Variants in C1orf198 observed in about 807,000 individuals in gnomAD.
C1orf198 encodes chromosome 1 open reading frame 198.
A neutral mutation model predicts 31.4 loss-of-function variants in C1orf198; 17 were observed. The ratio of observed to expected loss-of-function variants is 0.54; its 90% CI spans 0.37 to 0.81. The LOEUF is 0.81. Among genes scored for constraint, C1orf198 ranks in the 40% least tolerant of loss-of-function variants. The pLI, the probability that C1orf198 is intolerant of heterozygous loss-of-function variation, is 0.00. For synonymous variants in C1orf198, 175 were observed against 193.8 expected, an observed-to-expected ratio of 0.90 and a Z score of 0.81; for missense variants, 401 against 450.3, an observed-to-expected ratio of 0.89 and a Z score of 0.99.
rs1188491327 is a variant in C1orf198, at chr1:230,837,434, A to C, written c.*2418T>G. 6.6e-6 allele frequency: 1 copy of C among 152,222 alleles called. No individual in the cohort carries two copies. The highest frequency in any genetic ancestry group is 1.5e-5 in the Non-Finnish European group (1 of 68,040). The allele number at this position is 152,222 out of a possible 1,614,324, so 9.4% of individuals were successfully genotyped here. On this transcript the variant is annotated 3_prime_UTR_variant, in exon 4 of 4. Coordinates refer to ENST00000366663, the MANE Select transcript of C1orf198 (RefSeq NM_032800.3). ...ACACTGAATCCTTGAGCTGAATCCCAGGTGCAGAGACTGGGGGGAGGTGGA... is the reference window on the plus strand; with the variant it reads ...ACACTGAATCCTTGAGCTGAATCCCCGGTGCAGAGACTGGGGGGAGGTGGA...
intron 2 of C1orf198, among the ~76,000 whole-genome samples, chr1:230,847,061 C>T (rs1669609051): frequency 6.9e-6 from 1 of 145,628 alleles, no homozygotes; most frequent in Admixed American, 6.9e-5. Context: ...CGAAATCCCG[C>T]CACTGCACTC....
intron 2 of C1orf198, among the ~76,000 whole-genome samples, chr1:230,844,205 T>A: frequency 6.6e-6 from 1 of 152,124 alleles, no homozygotes; most frequent in Non-Finnish European, 1.5e-5. Context: ...GGGAGGTGTC[T>A]GGATCACAGG....
At chr1:230,859,017 G>A (rs1470540961) in intron 1 of C1orf198, among the ~76,000 whole-genome samples, 1 of 152,056 alleles carries the variant, frequency 6.6e-6, no homozygotes, top group Non-Finnish European at 1.5e-5. Flanking sequence ...TGAAGTCAAG[G>A]GGCAGATTCC....
At position 230,839,815 on chromosome 1, in the gene C1orf198, C is replaced by T. The variant is rs777704326; in HGVS notation, c.*37G>A. 15 of 1,589,858 alleles carry T rather than the reference C, an allele frequency of 9.4e-6. No individual in the cohort carries two copies. Among genetic ancestry groups the T allele is most frequent in the Non-Finnish European group, 3.4e-6 (4 of 1,163,388 alleles). ...TCCTCCACCACACCACTTTGGAAAA[C>T]ATTTTAGGGTTCTTCATTGTATTTT... On this transcript the variant is annotated 3_prime_UTR_variant, in exon 4 of 4. Coordinates refer to ENST00000366663, the MANE Select transcript of C1orf198 (RefSeq NM_032800.3).
At chr1:230,860,848 C>T (rs1669990032) in intron 1 of C1orf198, among the ~76,000 whole-genome samples, 1 of 152,170 alleles carries the variant, frequency 6.6e-6, no homozygotes, top group Non-Finnish European at 1.5e-5. Flanking sequence ...ATGCCTCGGA[C>T]TATACACAGA....
At position 230,868,193 on chromosome 1, in the gene C1orf198, C is replaced by A. The variant is rs777973083; in HGVS notation, c.320G>T (p.Arg107Leu). The A allele has an allele frequency of 2.6e-6, 4 of 1,516,428 alleles. No homozygotes were observed. The African/African-American group carries it at 5.8e-5, about 22-fold the overall frequency. 93.9% of individuals were successfully genotyped at this position (1,516,428 alleles called of 1,614,324 possible). The stretch of plus-strand genomic sequence containing the variant: ...GCCCGCACCTACCTCGTCCCCGAAG[C>A]GCACCACCTTCTGGCCCGTGGGCCC... ...LRGPTGQKVV[R>L]FGDEDLTWQD... Residue 107 changes from arginine to leucine, a missense_variant, in exon 1 of 4, where the codon CGC becomes CTC. Coordinates refer to ENST00000366663, the MANE Select transcript of C1orf198 (RefSeq NM_032800.3).
chr1:230,861,055 G>A (rs1278966118), intron 1 of C1orf198, among the ~76,000 whole-genome samples: 1 of 152,200 alleles, frequency 6.6e-6, no homozygotes, highest in Non-Finnish European at 1.5e-5. Context: ...ATCAGTGGCT[G>A]CCAGAGCCTG....
upstream of C1orf198, chr1:230,868,618 T>C: frequency 1.3e-6 from 1 of 791,422 alleles, no homozygotes; most frequent in Non-Finnish European, 1.4e-6. Flanking sequence ...AACCCCGCCC[T>C]GCACCGCCGC....
At chr1:230,865,869 T>C (rs914264316) in intron 1 of C1orf198, among the ~76,000 whole-genome samples, 4 of 152,228 alleles carry the variant, frequency 2.6e-5, no homozygotes, top group African/African-American at 9.6e-5. Flanking sequence ...AACGTTGCTA[T>C]GTGAGATAGA....
At chr1:230,861,645 C>T (rs73105758) in intron 1 of C1orf198, among the ~76,000 whole-genome samples, 10,063 of 152,242 alleles carry the variant, frequency 0.066, 725 homozygotes, top group African/African-American at 0.18. Flanking sequence ...GAGCCGGCTC[C>T]AGCATACCAC....
Position 230,868,506 on chromosome 1 carries a change from A to ACGCCATGCC in C1orf198, c.-3_6dup (p.Ala2_Ser3insGlyMetAla). The ACGCCATGCC allele has an allele frequency of 9.2e-6, 13 of 1,413,116 alleles. No individual in the cohort carries two copies. Among genetic ancestry groups the ACGCCATGCC allele is most frequent in the Non-Finnish European group, 1.2e-5 (13 of 1,071,338 alleles). The allele number at this position is 1,413,116 out of a possible 1,614,324, so 87.5% of individuals were successfully genotyped here. A position where few individuals can be genotyped will look rare whatever the true frequency, so the allele number is the denominator to read the frequency against. On this transcript the variant is annotated inframe_insertion, in exon 1 of 4. Transcript: ENST00000366663. ...GAAGCCGCGATCGCCGCCGCCATGGACGCCATGCCCGGCCTGCCCGCCGCT... is the reference window on the plus strand; with the variant it reads ...GAAGCCGCGATCGCCGCCGCCATGGACGCCATGCCCGCCATGCCCGGCCTGCCCGCCGCT...
chr1:230,866,448 C>G (rs1670122145), intron 1 of C1orf198, among the ~76,000 whole-genome samples: 1 of 152,182 alleles, frequency 6.6e-6, no homozygotes, highest in Admixed American at 6.5e-5. Flanking sequence ...CACAGTTCCA[C>G]TTGCTTTTAA....
At chr1:230,854,471 A>G (rs1323802664) in intron 2 of C1orf198, among the ~76,000 whole-genome samples, 3 of 152,122 alleles carry the variant, frequency 2.0e-5, no homozygotes, top group Non-Finnish European at 4.4e-5. Context: ...GCTCCTTAAC[A>G]TCTTGTGCTC....
intron 2 of C1orf198, among the ~76,000 whole-genome samples, chr1:230,849,764 T>C (rs1166347818): frequency 6.6e-6 from 1 of 152,248 alleles, no homozygotes; most frequent in Non-Finnish European, 1.5e-5. Flanking sequence ...AGAAGCCTTG[T>C]CAGAAAAGAT....
rs1242971221 is a variant in C1orf198, at chr1:230,868,481, G to T, written c.32C>A (p.Ser11Ter). The change falls in exon 1 of 4, where the codon TCG (serine) becomes TAG (stop). Residue 11 changes from serine (S) to a stop codon, truncating the protein, a stop_gained. Coordinates refer to ENST00000366663, the MANE Select transcript of C1orf198 (RefSeq NM_032800.3). LOFTEE classifies it high-confidence loss of function. MASMAAAIAA[S>*]RSAVMSGNRP... ...GTTCCCGCTCATGACCGCCGAGCGC[G>T]AAGCCGCGATCGCCGCCGCCATGGA... is the stretch of plus-strand genomic sequence containing the variant. 14 of 1,502,818 alleles carry T rather than the reference G, an allele frequency of 9.3e-6. No homozygotes were observed. The highest frequency in any genetic ancestry group is 2.0e-5 in the Admixed American group (1 of 50,372). The allele number at this position is 1,502,818 out of a possible 1,614,324, so 93.1% of individuals were successfully genotyped here.
At position 230,860,537 on chromosome 1, in the gene C1orf198, A is replaced by T. The variant is rs143142295; in HGVS notation, c.334-4819T>A. Among the ~76,000 whole-genome samples, 436 of 152,354 alleles carry T rather than the reference A, an allele frequency of 2.9e-3. 2 individuals are homozygous for T. Among genetic ancestry groups the T allele is most frequent in the African/African-American group, 0.01 (420 of 41,576 alleles). ...GGAATATTATTCAGTCTTAAAAAGG[A>T]AGGAAATTCTGATACATGCTTCAAC... is the stretch of plus-strand genomic sequence containing the variant. On this transcript the variant is annotated intron_variant, in intron 1 of 3. Coordinates refer to ENST00000366663, the MANE Select transcript of C1orf198 (RefSeq NM_032800.3).
At chr1:230,867,112 C>G (rs550574587) in intron 1 of C1orf198, among the ~76,000 whole-genome samples, 3 of 152,310 alleles carry the variant, frequency 2.0e-5, no homozygotes, top group Admixed American at 1.3e-4. Context: ...AAAAATCTCT[C>G]CCAGCTTCTC....
intron 2 of C1orf198, among the ~76,000 whole-genome samples, chr1:230,849,760 C>T (rs1669692608): frequency 6.6e-6 from 1 of 152,242 alleles, no homozygotes; most frequent in African/African-American, 2.4e-5. Context: ...CTACAGAAGC[C>T]TTGTCAGAAA....
chr1:230,864,863 C>T (rs1250985167), intron 1 of C1orf198, among the ~76,000 whole-genome samples: 1 of 152,154 alleles, frequency 6.6e-6, no homozygotes, highest in Non-Finnish European at 1.5e-5. Context: ...CCTAACAATT[C>T]AGAGGTGTGT....
Sources: gnomAD v4.1 joint callset for allele counts (sites outside exome capture counted in the v4.1 genomes callset) on GRCh38, gnomAD v4.1.1 for gene constraint, MANE v1.5 for transcripts, NCBI Gene and HGNC (gene_info 2026-07-23, HGNC 2026-07-21) for gene names.